The following DAB2IP variants were observed in gnomAD, a reference collection of about 807,000 sequenced individuals.
DAB2IP encodes disabled homolog 2-interacting protein.
In DAB2IP, 28 loss-of-function variants were observed where a neutral mutation model predicts 107.2. The ratio of observed to expected loss-of-function variants is 0.26; its 90% CI spans 0.19 to 0.36. The LOEUF is 0.36. Ranked by LOEUF, DAB2IP falls within the 10% of genes least tolerant of loss-of-function variation. DAB2IP has a pLI of 1.00. For synonymous variants in DAB2IP, 755 were observed against 706.4 expected, an observed-to-expected ratio of 1.07 and a Z score of -1.09; for missense variants, 1,400 against 1,644.7, an observed-to-expected ratio of 0.85 and a Z score of 2.57.
intron 3 of DAB2IP, among the ~76,000 whole-genome samples, chr9:121,722,609 GGTAGA>G (rs1238580765): frequency 6.6e-6 from 1 of 152,148 alleles, no homozygotes. Flanking sequence ...CCCACTGACT[GGTAGA>G]GTAGACAGCC....
At position 121,628,698 on chromosome 9, in the gene DAB2IP, C is replaced by T. The variant is rs555978439; in HGVS notation, c.41-49980C>T. 5.3e-5 allele frequency among the ~76,000 whole-genome samples: 8 copies of T among 152,234 alleles called. No individual in the cohort carries two copies. The South Asian group carries it at 1.5e-3, about 28-fold the overall frequency. On this transcript the variant is annotated intron_variant, in intron 1 of 16. Transcript: ENST00000259371. Reference sequence around the variant, plus strand: ...CTCGGCAGGGGCAGGGGAGGGAAAGCGGGGCATGCAGAGGGCCTGGCAAAC... The same window carrying T: ...CTCGGCAGGGGCAGGGGAGGGAAAGTGGGGCATGCAGAGGGCCTGGCAAAC...
At chr9:121,767,850 G>GTGAT (rs941163502) in intron 9 of DAB2IP, among the ~76,000 whole-genome samples, 4 of 152,174 alleles carry the variant, frequency 2.6e-5, no homozygotes, top group Admixed American at 1.3e-4. Flanking sequence ...AAGGTTAGGG[G>GTGAT]TGATTAGAAG....
At chr9:121,665,156 A>G (rs566716275) in intron 1 of DAB2IP, among the ~76,000 whole-genome samples, 30 of 152,358 alleles carry the variant, frequency 2.0e-4, no homozygotes, top group African/African-American at 7.0e-4. Flanking sequence ...TGTTAGAAAA[A>G]ATAAGCCTGT....
chr9:121,666,584 C>T (rs1027086939), intron 1 of DAB2IP, among the ~76,000 whole-genome samples: 4 of 151,666 alleles, frequency 2.6e-5, no homozygotes, highest in Non-Finnish European at 4.4e-5. Flanking sequence ...GATCACACGC[C>T]GGGGCCTGTC....
At chr9:121,774,174 G>A in intron 12 of DAB2IP, 86 bp from the exon 13 acceptor site, 5 of 1,399,288 alleles carry the variant, frequency 3.6e-6, no homozygotes, top group East Asian at 2.8e-5. Flanking sequence ...AGAGTTGCTT[G>A]TCCTTGTGGC....
chr9:121,569,812 G>A (rs1367845794), intron 1 of DAB2IP, among the ~76,000 whole-genome samples: 1 of 152,212 alleles, frequency 6.6e-6, no homozygotes, highest in Non-Finnish European at 1.5e-5. Flanking sequence ...CAGAGAGCGA[G>A]ATGCCATCTC....
chr9:121,705,601 G>A (rs537758916), intron 3 of DAB2IP, among the ~76,000 whole-genome samples: 1 of 152,340 alleles, frequency 6.6e-6, no homozygotes, highest in East Asian at 1.9e-4. Context: ...GAGCACTCAC[G>A]TGCATACTTG....
rs1356298424 is a variant in DAB2IP, at chr9:121,699,777, G to A, written c.362+319G>A. Among the ~76,000 whole-genome samples the A allele has an allele frequency of 6.6e-6, 1 of 152,204 alleles. No homozygotes were observed. Among genetic ancestry groups the A allele is most frequent in the East Asian group, 1.9e-4 (1 of 5,172 alleles). On this transcript the variant is annotated intron_variant, in intron 3 of 15. Transcript: ENST00000408936. The surrounding 1 kb of genome is among the most constrained non-coding windows in gnomAD (Gnocchi z 6.2). ...TGTCCGAGGTGGGCATTGTTTCCCGGGCCGTGCGGTGCCCGAACCGGGGAC... is the reference window on the plus strand; with the variant it reads ...TGTCCGAGGTGGGCATTGTTTCCCGAGCCGTGCGGTGCCCGAACCGGGGAC...
chr9:121,582,662 T>C (rs1830225841), intron 1 of DAB2IP, among the ~76,000 whole-genome samples: 1 of 152,170 alleles, frequency 6.6e-6, no homozygotes, highest in Non-Finnish European at 1.5e-5. Context: ...GACCACTTTA[T>C]GCTTCAGCCA....
At chr9:121,620,425 G>A (rs934234717) in intron 1 of DAB2IP, among the ~76,000 whole-genome samples, 4 of 152,228 alleles carry the variant, frequency 2.6e-5, no homozygotes, top group Admixed American at 2.6e-4. Flanking sequence ...GTCTGAATGG[G>A]TTTAGAATGA....
At chr9:121,693,351 C>T (rs1829255050) in intron 2 of DAB2IP, among the ~76,000 whole-genome samples, 1 of 152,318 alleles carries the variant, frequency 6.6e-6, no homozygotes, top group African/African-American at 2.4e-5. Flanking sequence ...CACCAGCCTG[C>T]CGCGGTGTCA....
intron 11 of DAB2IP, among the ~76,000 whole-genome samples, chr9:121,771,237 T>C (rs1388743507): frequency 3.3e-5 from 5 of 152,178 alleles, no homozygotes; most frequent in Non-Finnish European, 7.3e-5. Flanking sequence ...TGGGGTCTGC[T>C]CTGCCTAAAT....
intron 1 of DAB2IP, among the ~76,000 whole-genome samples, chr9:121,632,456 G>A (rs1419475875): frequency 1.3e-5 from 2 of 152,174 alleles, no homozygotes; most frequent in Non-Finnish European, 2.9e-5. Flanking sequence ...GGTCTCTGCA[G>A]CTGGTATCTG....
chr9:121,742,901 G>A, intron 3 of DAB2IP: 1 of 985,506 alleles, frequency 1.0e-6, no homozygotes, highest in Non-Finnish European at 1.2e-6. Context: ...TGAAAGCCTG[G>A]TGGTGGGGCA....
chr9:121,740,579 C>T lies in DAB2IP; in HGVS notation c.363-16434C>T, dbSNP rs564464622. Among the ~76,000 whole-genome samples, 12 of 152,292 alleles carry T rather than the reference C, an allele frequency of 7.9e-5. No individual in the cohort carries two copies. In the East Asian group the frequency reaches 2.3e-3, roughly 29 times the overall value. ...GATGTTTTACACAATATTTTGGTGG[C>T]CAGGAGCTCTAACCCTCACCCCCAA... On this transcript the variant is annotated intron_variant, in intron 3 of 15. Coordinates refer to ENST00000408936, the Ensembl canonical transcript of DAB2IP.
At chr9:121,665,169 T>G (rs1169270782) in intron 1 of DAB2IP, among the ~76,000 whole-genome samples, 1 of 152,226 alleles carries the variant, frequency 6.6e-6, no homozygotes, top group Non-Finnish European at 1.5e-5. Flanking sequence ...AAGCCTGTTA[T>G]TTCATATAGC....
chr9:121,776,448 C>T lies in DAB2IP; in HGVS notation c.3314+57C>T. The T allele has an allele frequency of 6.9e-7, 1 of 1,455,720 alleles. No homozygotes were observed. Among genetic ancestry groups the T allele is most frequent in the Non-Finnish European group, 9.1e-7 (1 of 1,102,178 alleles). The allele number at this position is 1,455,720 out of a possible 1,614,324, so 90.2% of individuals were successfully genotyped here. The stretch of plus-strand genomic sequence containing the variant: ...GGCACAGGCAGGGCAGCCATCGCTG[C>T]CTTCGAGGAGGCCCCTGGTCGGGGA... On this transcript the variant is annotated intron_variant, in intron 14 of 15. Transcript: ENST00000408936. This position sits in a 1 kb window ranked among gnomAD's most constrained non-coding sequence, Gnocchi z 5.4.
At chr9:121,781,807 A>C (rs2119043486) in intron 15 of DAB2IP, among the ~76,000 whole-genome samples, 1 of 151,792 alleles carries the variant, frequency 6.6e-6, no homozygotes, top group East Asian at 1.9e-4. Context: ...ACTGCTGACC[A>C]AAGAGTGGAA....
chr9:121,630,733 G>A (rs184576716), intron 1 of DAB2IP, among the ~76,000 whole-genome samples: 43 of 151,624 alleles, frequency 2.8e-4, no homozygotes, highest in African/African-American at 8.2e-4. Flanking sequence ...TCAGCCTCCC[G>A]AGTCGCTGGG....
Sources: gnomAD v4.1 joint callset for allele counts (sites outside exome capture counted in the v4.1 genomes callset) on GRCh38, gnomAD v4.1.1 for gene constraint, Gnocchi (gnomAD v3.1) non-coding constraint, MANE v1.5 for transcripts, NCBI Gene and HGNC (gene_info 2026-07-23, HGNC 2026-07-21) for gene names.